The following CSMD1 variants were observed in gnomAD, a reference collection of about 807,000 sequenced individuals.
CSMD1 encodes CUB and sushi domain-containing protein 1.
CSMD1 carries 213 observed loss-of-function variants against 417.5 expected under a neutral mutation model. The observed-to-expected ratio is 0.51, with a 90% CI of 0.46 to 0.57. CSMD1 has a LOEUF of 0.57. CSMD1 is among the 20% of genes least tolerant of loss of function. CSMD1 has a pLI of 0.00. For synonymous variants in CSMD1, 2,862 were observed against 1,736.8 expected (o/e 1.65, Z -16.11); for missense variants, 6,923 against 4,529.7 (o/e 1.53, Z -15.17).
chr8:4,570,267 C>T (rs771964997), intron 2 of CSMD1, among the ~76,000 whole-genome samples: 3 of 152,252 alleles, frequency 2.0e-5, no homozygotes, highest in African/African-American at 7.2e-5. Flanking sequence ...ATGACATTGG[C>T]TGTGGGTTTG....
intron 8 of CSMD1, among the ~76,000 whole-genome samples, chr8:3,591,886 A>G (rs13264980): frequency 1.3e-5 from 2 of 152,122 alleles, no homozygotes; most frequent in Non-Finnish European, 2.9e-5. Flanking sequence ...TGGATAGATG[A>G]CAGATAGCTG....
At chr8:3,032,520 C>T (rs981140954) in intron 50 of CSMD1, among the ~76,000 whole-genome samples, 1 of 151,908 alleles carries the variant, frequency 6.6e-6, no homozygotes, top group Non-Finnish European at 1.5e-5. Context: ...AATAATGTGG[C>T]AAAAATCTGA....
intron 1 of CSMD1, among the ~76,000 whole-genome samples, chr8:4,985,365 C>G (rs1563933850): frequency 1.6e-5 from 1 of 60,630 alleles, no homozygotes; most frequent in Non-Finnish European, 3.3e-5. Context: ...TGCCCTGGAA[C>G]TTAAAAGTTT....
intron 3 of CSMD1, among the ~76,000 whole-genome samples, chr8:4,089,286 G>A (rs745447260): frequency 6.6e-5 from 10 of 152,266 alleles, no homozygotes; most frequent in Non-Finnish European, 1.3e-4. Context: ...TGGGGTGCCT[G>A]CCAACTTGTA....
chr8:3,343,230 G>C, intron 23 of CSMD1, 64 bp downstream of exon 23: 1 of 1,391,546 alleles, frequency 7.2e-7, no homozygotes, highest in African/African-American at 1.4e-5. Context: ...CTTAATATAA[G>C]CCAAGTATCA....
chr8:4,109,192 C>T (rs1175429421), intron 3 of CSMD1, among the ~76,000 whole-genome samples: 1 of 151,878 alleles, frequency 6.6e-6, no homozygotes, highest in African/African-American at 2.4e-5. Flanking sequence ...GAATAATAGC[C>T]AGAAAAAAAT....
At chr8:4,249,380 T>G (rs2128829465) in intron 3 of CSMD1, among the ~76,000 whole-genome samples, 1 of 152,330 alleles carries the variant, frequency 6.6e-6, no homozygotes, top group South Asian at 2.1e-4. Context: ...ATGTAGCATA[T>G]TCCACAGAAA....
chr8:4,516,490 C>A (rs569421318), intron 2 of CSMD1, among the ~76,000 whole-genome samples: 1 of 152,210 alleles, frequency 6.6e-6, no homozygotes, highest in South Asian at 2.1e-4. Flanking sequence ...GGACCCCGGG[C>A]CCTTCTATGA....
chr8:3,968,052 T>C (rs1238814584), intron 5 of CSMD1, among the ~76,000 whole-genome samples: 1 of 139,258 alleles, frequency 7.2e-6, no homozygotes. Context: ...CCGGGAGTGG[T>C]GGCGGGCGCC....
chr8:4,834,611 T>C (rs1047657555), intron 1 of CSMD1, among the ~76,000 whole-genome samples: 2 of 151,012 alleles, frequency 1.3e-5, no homozygotes, highest in African/African-American at 4.9e-5. Flanking sequence ...TGGTCCAGGA[T>C]AAAGAATGGC....
intron 2 of CSMD1, among the ~76,000 whole-genome samples, chr8:4,530,661 C>A (rs1472970630): frequency 6.6e-6 from 1 of 151,306 alleles, no homozygotes; most frequent in Admixed American, 6.6e-5. Flanking sequence ...CATGTCCCTG[C>A]AAAGGGCATG....
chr8:4,355,275 C>G (rs112557965), intron 3 of CSMD1, among the ~76,000 whole-genome samples: 4 of 151,416 alleles, frequency 2.6e-5, no homozygotes, highest in African/African-American at 7.3e-5. Flanking sequence ...AATAAATATA[C>G]CTTTTGTGGA....
intron 10 of CSMD1, among the ~76,000 whole-genome samples, chr8:3,539,391 A>G (rs964592455): frequency 6.6e-6 from 1 of 152,062 alleles, no homozygotes; most frequent in Non-Finnish European, 1.5e-5. Context: ...TATACATATT[A>G]TTTGTTTCCA....
At chr8:3,877,921 G>A (rs539407033) in intron 5 of CSMD1, among the ~76,000 whole-genome samples, 3 of 149,998 alleles carry the variant, frequency 2.0e-5, no homozygotes, top group East Asian at 1.9e-4. Flanking sequence ...TTTATAGGTC[G>A]TGGCCATGAC....
chr8:4,752,218 T>C (rs1221741424), intron 1 of CSMD1, among the ~76,000 whole-genome samples: 4 of 152,140 alleles, frequency 2.6e-5, no homozygotes, highest in Non-Finnish European at 4.4e-5. Flanking sequence ...AGTACTATCA[T>C]ATCTTAATTT....
At chr8:4,840,794 G>C (rs1676396142) in intron 1 of CSMD1, among the ~76,000 whole-genome samples, 1 of 152,158 alleles carries the variant, frequency 6.6e-6, no homozygotes, top group Non-Finnish European at 1.5e-5. Context: ...GTTATGCACA[G>C]GGCTTTTATA....
intron 3 of CSMD1, among the ~76,000 whole-genome samples, chr8:4,285,076 G>C (rs1456073325): frequency 6.6e-6 from 1 of 152,318 alleles, no homozygotes; most frequent in Non-Finnish European, 1.5e-5. Context: ...ATGATGCCTA[G>C]TGTGTAGGAA....
intron 34 of CSMD1, 140 bp from the exon 35 acceptor site, chr8:3,189,151 A>C (rs1484133495): frequency 7.2e-6 from 5 of 691,646 alleles, no homozygotes; most frequent in Admixed American, 3.4e-5. Flanking sequence ...ACTTTTAGCC[A>C]AGGTAAAATT....
At chr8:2,946,226 A>G (rs1802224762) in intron 68 of CSMD1, among the ~76,000 whole-genome samples, 1 of 152,172 alleles carries the variant, frequency 6.6e-6, no homozygotes, top group African/African-American at 2.4e-5. Context: ...AAATGTCATT[A>G]TGCGATGCGT....
Sources: allele counts gnomAD v4.1 joint callset (sites outside exome capture counted in the v4.1 genomes callset), GRCh38; gene constraint gnomAD v4.1.1; transcripts MANE v1.5; gene names NCBI Gene and HGNC (gene_info 2026-07-23, HGNC 2026-07-21).